Variants in SATB2 observed in about 807,000 individuals in gnomAD.
SATB2 encodes SATB homeobox 2.
In SATB2, 1 loss-of-function variant was observed where a neutral mutation model predicts 73.4. The ratio of observed to expected loss-of-function variants is 0.01; its 90% CI spans 0.00 to 0.06. The LOEUF is 0.06. Among genes scored for constraint, SATB2 ranks in the 10% least tolerant of loss-of-function variants. The pLI is 1.00. For missense variants in SATB2, 459 were observed against 945.8 expected (o/e 0.49, Z 6.75); for synonymous variants, 397 against 367.0 (o/e 1.08, Z -0.93).
At chr2:199,445,766 G>C (rs1369246404) in intron 2 of SATB2, among the ~76,000 whole-genome samples, 1 of 152,132 alleles carries the variant, frequency 6.6e-6, no homozygotes, top group Non-Finnish European at 1.5e-5. Flanking sequence ...GATACTAAAG[G>C]GTTTGGGGTG....
chr2:199,420,929 G>T (rs1199252400), intron 3 of SATB2, among the ~76,000 whole-genome samples: 1 of 151,858 alleles, frequency 6.6e-6, no homozygotes, highest in Non-Finnish European at 1.5e-5. Flanking sequence ...TATTTTAATA[G>T]ATAATTTGAG....
At chr2:199,370,062 G>A (rs1036996929) in intron 5 of SATB2, among the ~76,000 whole-genome samples, 2 of 152,094 alleles carry the variant, frequency 1.3e-5, no homozygotes, top group Non-Finnish European at 1.5e-5. Context: ...AACCTATGAG[G>A]CCTTGTCTCC....
intron 3 of SATB2, among the ~76,000 whole-genome samples, chr2:199,422,257 G>A (rs552935199): frequency 6.6e-6 from 1 of 151,394 alleles, no homozygotes; most frequent in East Asian, 1.9e-4. Context: ...CTCTAGAATG[G>A]TTGGTTCATG....
At chr2:199,362,655 T>A (rs893318256) in intron 6 of SATB2, among the ~76,000 whole-genome samples, 1 of 152,168 alleles carries the variant, frequency 6.6e-6, no homozygotes, top group South Asian at 2.1e-4. Flanking sequence ...AAAAAGGTAA[T>A]GCTCTCCACT....
At chr2:199,303,994 G>A (rs796806470) in intron 10 of SATB2, among the ~76,000 whole-genome samples, 2 of 152,268 alleles carry the variant, frequency 1.3e-5, no homozygotes, top group African/African-American at 4.8e-5. Flanking sequence ...GAACAATTTG[G>A]CAAGTGCTCC....
rs1208132684 is a variant in SATB2 at position 199,323,706 on chromosome 2, G to A, written c.1542+97C>T. On this transcript the variant is annotated intron_variant, in intron 9 of 10. Coordinates refer to ENST00000417098, the MANE Select transcript of SATB2 (RefSeq NM_001172509.2). ...GACAGGTTTCTTGGGGGTTATTACTGTTATTATTATTATAGGAACAGATGT... is the reference window on the plus strand; with the variant it reads ...GACAGGTTTCTTGGGGGTTATTACTATTATTATTATTATAGGAACAGATGT... 50 of 1,282,028 alleles carry A rather than the reference G, an allele frequency of 3.9e-5. 1 individual carries two copies. Among genetic ancestry groups the A allele is most frequent in the Middle Eastern group, 3.7e-4 (2 of 5,424 alleles). 79.4% of individuals were successfully genotyped at this position (1,282,028 alleles called of 1,614,324 possible). A position where few individuals can be genotyped will look rare whatever the true frequency, so the allele number is the denominator to read the frequency against.
Position 199,394,345 on chromosome 2 carries a change from C to G in SATB2, c.347-12525G>C, listed in dbSNP as rs1432240730. Among the ~76,000 whole-genome samples, 3 of 152,040 alleles carry G rather than the reference C, an allele frequency of 2.0e-5. No homozygotes were observed. The East Asian group carries it at 5.8e-4, about 29-fold the overall frequency. On this transcript the variant is annotated intron_variant, in intron 3 of 10. Coordinates refer to ENST00000417098, the MANE Select transcript of SATB2 (RefSeq NM_001172509.2). ...ATCTGATTATAAATACTAATAAATA[C>G]CCTAGGAATCACTGATATATGAAGA...
At chr2:199,293,876 G>A (rs1436483241) in intron 10 of SATB2, among the ~76,000 whole-genome samples, 2 of 152,032 alleles carry the variant, frequency 1.3e-5, no homozygotes, top group Non-Finnish European at 2.9e-5. Context: ...GAAAGGAAAT[G>A]TGAGGGTGGG....
At chr2:199,406,493 CT>C (rs1306483296) in intron 3 of SATB2, among the ~76,000 whole-genome samples, 2 of 152,178 alleles carry the variant, frequency 1.3e-5, no homozygotes, top group African/African-American at 4.8e-5. Flanking sequence ...CACGGATAAT[CT>C]ATCCCACTGG....
At chr2:199,287,118 T>C (rs932082657) in intron 10 of SATB2, among the ~76,000 whole-genome samples, 3 of 152,222 alleles carry the variant, frequency 2.0e-5, no homozygotes, top group Non-Finnish European at 2.9e-5. Flanking sequence ...AATGCTTAAA[T>C]AGTTAATCCA....
chr2:199,404,515 A>G, intron 3 of SATB2, among the ~76,000 whole-genome samples: 1 of 152,248 alleles, frequency 6.6e-6, no homozygotes, highest in East Asian at 1.9e-4. Flanking sequence ...TGCAAAAAAA[A>G]GCATCATTTA....
Position 199,272,199 on chromosome 2 carries a change from T to C in SATB2, c.*12A>G. On this transcript the variant is annotated 3_prime_UTR_variant, in exon 11 of 11. Transcript: ENST00000417098. The surrounding 1 kb of genome is among the most constrained non-coding windows in gnomAD (Gnocchi z 6.7). The stretch of plus-strand genomic sequence containing the variant: ...TGGACCGATGTATTGCTTTGCCTAG[T>C]AGAAGTTCACATTATCTCTGGTCAA... 5 of 1,611,418 alleles carry C rather than the reference T, an allele frequency of 3.1e-6. No individual in the cohort carries two copies. The highest frequency in any genetic ancestry group is 2.5e-6 in the Non-Finnish European group (3 of 1,177,780).
intron 10 of SATB2, among the ~76,000 whole-genome samples, chr2:199,283,250 T>TA (rs1255921241): frequency 0.013 from 2 of 154 alleles, no homozygotes; most frequent in Non-Finnish European, 0.05. Flanking sequence ...TGCCTAGCTA[T>TA]TTTTTTTTTT....
intron 3 of SATB2, among the ~76,000 whole-genome samples, chr2:199,426,119 T>C (rs1328536189): frequency 1.3e-5 from 2 of 152,182 alleles, no homozygotes; most frequent in East Asian, 3.9e-4. Context: ...GCCTAAAATG[T>C]CTAAATACGT....
At chr2:199,368,484 T>C (rs1689351983) in intron 6 of SATB2, 121 bp downstream of exon 6, 1 of 698,422 alleles carries the variant, frequency 1.4e-6, no homozygotes. Flanking sequence ...ATATTAAAGA[T>C]CTCACCTTTG....
upstream of SATB2, among the ~76,000 whole-genome samples, chr2:199,461,017 T>C (rs941987211): frequency 6.6e-6 from 1 of 152,242 alleles, no homozygotes; most frequent in Non-Finnish European, 1.5e-5. Flanking sequence ...AAATCTATCA[T>C]GTTAGGAAAA....
Position 199,300,594 on chromosome 2 carries a change from G to C in SATB2, c.1740+8166C>G, listed in dbSNP as rs145920190. 3.3e-3 allele frequency among the ~76,000 whole-genome samples: 503 copies of C among 152,100 alleles called. 2 individuals carry two copies. Among genetic ancestry groups the C allele is most frequent in the African/African-American group, 0.011 (467 of 41,512 alleles). On this transcript the variant is annotated intron_variant, in intron 10 of 10. Coordinates refer to ENST00000417098, the MANE Select transcript of SATB2 (RefSeq NM_001172509.2). ...TGAGCACCGGGCTTGTATCCATGAAGACTTTTTGTACCGATATAAATGACA... is the reference window on the plus strand; with the variant it reads ...TGAGCACCGGGCTTGTATCCATGAACACTTTTTGTACCGATATAAATGACA...
At chr2:199,427,221 G>A (rs1346968425) in intron 3 of SATB2, among the ~76,000 whole-genome samples, 2 of 152,002 alleles carry the variant, frequency 1.3e-5, no homozygotes, top group African/African-American at 4.8e-5. Context: ...GGAATTTATA[G>A]GACTAGGATT....
rs1290997017 is a variant in SATB2 at position 199,455,418 on chromosome 2, A to T, written c.169+451T>A. On this transcript the variant is annotated intron_variant, in intron 2 of 10. Transcript: ENST00000417098. The surrounding 1 kb of genome is among the most constrained non-coding windows in gnomAD (Gnocchi z 4.1). Reference sequence around the variant, plus strand: ...CCCAGTTGTCATTCATCTGTCTTGAAGCACTGTCCTCACTACAAAGTAACA... The same window carrying T: ...CCCAGTTGTCATTCATCTGTCTTGATGCACTGTCCTCACTACAAAGTAACA... Among the ~76,000 whole-genome samples, 2 of 152,216 alleles carry T rather than the reference A, an allele frequency of 1.3e-5. No individual in the cohort carries two copies. The highest frequency in any genetic ancestry group is 4.8e-5 in the African/African-American group (2 of 41,440).
Sources: allele counts gnomAD v4.1 joint callset (sites outside exome capture counted in the v4.1 genomes callset), GRCh38; gene constraint gnomAD v4.1.1; non-coding constraint Gnocchi (gnomAD v3.1); transcripts MANE v1.5; gene names NCBI Gene and HGNC (gene_info 2026-07-23, HGNC 2026-07-21).